The following FGD5 variants were observed in gnomAD, a reference collection of about 807,000 sequenced individuals.
FGD5 encodes FYVE, RhoGEF and PH domain containing 5, also known as FYVE, RhoGEF and PH domain-containing protein 5.
FGD5 carries 28 observed loss-of-function variants against 133.4 expected under a neutral mutation model. The ratio of observed to expected loss-of-function variants is 0.21; its 90% CI spans 0.16 to 0.29. The LOEUF is 0.29. Ranked by LOEUF, FGD5 falls within the 10% of genes least tolerant of loss-of-function variation. The probability of loss-of-function intolerance (pLI) is 1.00; values close to 1 mark genes in which losing one functional copy is unlikely to be tolerated. For synonymous variants in FGD5, 810 were observed against 776.5 expected (o/e 1.04, Z -0.72); for missense variants, 1,858 against 1,895.2 (o/e 0.98, Z 0.36).
At chr3:14,875,725 G>A (rs556119992) in intron 2 of FGD5, among the ~76,000 whole-genome samples, 1 of 152,234 alleles carries the variant, frequency 6.6e-6, no homozygotes, top group Non-Finnish European at 1.5e-5. Flanking sequence ...GATGAGGGAT[G>A]GGAAGCCTGG....
intron 1 of FGD5, among the ~76,000 whole-genome samples, chr3:14,849,083 G>T (rs2037109116): frequency 2.6e-5 from 4 of 152,184 alleles, no homozygotes; most frequent in Non-Finnish European, 5.9e-5. Flanking sequence ...GAGCATGTGT[G>T]CACTATCACG....
intron 2 of FGD5, among the ~76,000 whole-genome samples, chr3:14,870,193 C>T: frequency 6.6e-6 from 1 of 152,200 alleles, no homozygotes; most frequent in Non-Finnish European, 1.5e-5. Context: ...CAGAGCCTTC[C>T]AGGCAGAGGA....
intron 4 of FGD5, among the ~76,000 whole-genome samples, chr3:14,887,108 G>T (rs940019287): frequency 2.6e-5 from 4 of 152,178 alleles, no homozygotes; most frequent in African/African-American, 9.7e-5. Context: ...TGTTGAGAGA[G>T]GCGTATTGAC....
intron 4 of FGD5, among the ~76,000 whole-genome samples, chr3:14,894,921 T>TA (rs2038103789): frequency 2.4e-5 from 1 of 42,390 alleles, no homozygotes; most frequent in Non-Finnish European, 4.3e-5. Flanking sequence ...GGTGAGATGA[T>TA]ACCTTGTAGT....
chr3:14,915,269 C>T (rs2038530012), intron 11 of FGD5, among the ~76,000 whole-genome samples: 1 of 152,214 alleles, frequency 6.6e-6, no homozygotes, highest in South Asian at 2.1e-4. Flanking sequence ...ACCTTGGAGT[C>T]CTGAGAAGAG....
rs935353347 is a variant in FGD5, at chr3:14,922,471, C to G, written c.3730C>G (p.His1244Asp). 4.4e-6 allele frequency: 7 copies of G among 1,578,350 alleles called. No individual in the cohort carries two copies. The highest frequency in any genetic ancestry group is 5.2e-6 in the Non-Finnish European group (6 of 1,162,230). Residue 1244 changes from histidine to aspartate, a missense_variant, in exon 15 of 20, where the codon CAC (histidine) becomes GAC (aspartate). Around this residue, in one of 3 missense-constraint regions of FGD5, gnomAD observed 1,824 missense variants for 1,848.9 expected, o/e 0.99. Coordinates refer to ENST00000285046, the MANE Select transcript of FGD5 (RefSeq NM_152536.4). This position sits in a 1 kb window ranked among gnomAD's most constrained non-coding sequence, Gnocchi z 4.1. The stretch of plus-strand genomic sequence containing the variant: ...GCCCCCCACCCTGGTGCCTGTCACA[C>G]ACGTCATGATGTGCATGAACTGCGG... Reference protein sequence around the residue: ...ERPPTLVPVTHVMMCMNCGCD... With the variant: ...ERPPTLVPVTDVMMCMNCGCD...
chr3:14,893,809 C>T (rs1302575633), intron 4 of FGD5, among the ~76,000 whole-genome samples: 1 of 119,840 alleles, frequency 8.3e-6, no homozygotes, highest in African/African-American at 3.3e-5. Context: ...AGCTGGAGTG[C>T]AGTGGCCATG....
intron 1 of FGD5, among the ~76,000 whole-genome samples, chr3:14,858,781 G>A (rs948883862): frequency 6.6e-6 from 1 of 152,186 alleles, no homozygotes; most frequent in Non-Finnish European, 1.5e-5. Flanking sequence ...TTTTCCCCAA[G>A]GGAAGACGTG....
intron 1 of FGD5, among the ~76,000 whole-genome samples, chr3:14,824,274 A>G (rs964354666): frequency 2.0e-5 from 3 of 152,224 alleles, no homozygotes; most frequent in East Asian, 1.9e-4. Flanking sequence ...CATATCGCCA[A>G]GAGGCATGAG....
chr3:14,926,339 C>A, intron 18 of FGD5, 141 bp downstream of exon 18: 1 of 1,049,970 alleles, frequency 9.5e-7, no homozygotes, highest in Non-Finnish European at 1.4e-6. Flanking sequence ...CTTTAGTGAG[C>A]AATGCCATGT....
At chr3:14,918,967 C>A in intron 13 of FGD5, 134 bp downstream of exon 13, 1 of 914,122 alleles carries the variant, frequency 1.1e-6, no homozygotes, top group South Asian at 1.8e-5. Flanking sequence ...GGTCAAAGGA[C>A]TTTTTTTCTT....
intron 1 of FGD5, among the ~76,000 whole-genome samples, chr3:14,827,413 C>T (rs1036476085): frequency 7.9e-5 from 12 of 151,892 alleles, no homozygotes; most frequent in Non-Finnish European, 1.2e-4. Flanking sequence ...CTCAGCCTCC[C>T]GAGTAGCTGA....
At position 14,819,551 on chromosome 3, in the gene FGD5, G is replaced by C. The variant is rs1401343564; in HGVS notation, c.480G>C (p.Val160=). The C allele has an allele frequency of 2.6e-6, 4 of 1,551,352 alleles. No individual in the cohort carries two copies. In the African/African-American group the frequency reaches 4.1e-5, roughly 16 times the overall value. The change falls in exon 1 of 20, where the codon GTG becomes GTC. Residue 160 remains valine (V), a synonymous_variant. Transcript: ENST00000285046. This position sits in a 1 kb window ranked among gnomAD's most constrained non-coding sequence, Gnocchi z 4.1. ...CADEPGTLEQ[V]SRSEEEEKLV... ...ATGAGCCAGGGACACTGGAGCAGGT[G>C]TCCAGAAGTGAGGAGGAAGAGAAGC...
chr3:14,917,662 T>A lies in FGD5; in HGVS notation c.3489+330T>A, dbSNP rs574061908. 5.3e-5 allele frequency among the ~76,000 whole-genome samples: 8 copies of A among 152,314 alleles called. No homozygotes were observed. The highest frequency in any genetic ancestry group is 1.9e-4 in the East Asian group (1 of 5,186). ...ACAAGCAGGTGGTTGGTAATTTTTT[T>A]AATTGTGATAAAATACACATATCAT... On this transcript the variant is annotated intron_variant, in intron 12 of 19. Transcript: ENST00000285046. This position sits in a 1 kb window ranked among gnomAD's most constrained non-coding sequence, Gnocchi z 4.1.
At chr3:14,918,463 C>T (rs1272483078) in intron 12 of FGD5, among the ~76,000 whole-genome samples, 2 of 152,336 alleles carry the variant, frequency 1.3e-5, no homozygotes, top group East Asian at 1.9e-4. Flanking sequence ...GCATGGGAGA[C>T]GTGGTCACTG....
chr3:14,815,429 CT>C (rs2036353909), upstream of FGD5, among the ~76,000 whole-genome samples: 1 of 152,040 alleles, frequency 6.6e-6, no homozygotes, highest in Non-Finnish European at 1.5e-5. Context: ...TGTACTTACC[CT>C]TTCTCTTGCA....
intron 4 of FGD5, chr3:14,882,467 G>A (rs1306951081): frequency 2.2e-6 from 1 of 455,270 alleles, no homozygotes; most frequent in Non-Finnish European, 2.9e-6. Flanking sequence ...GGAGGCCGAG[G>A]TGGGCTGATC....
At chr3:14,928,207 G>A (rs1163008610) in intron 18 of FGD5, among the ~76,000 whole-genome samples, 1 of 151,024 alleles carries the variant, frequency 6.6e-6, no homozygotes, top group African/African-American at 2.4e-5. Context: ...CCAAAGTGCT[G>A]GGATTACAGG....
intron 18 of FGD5, among the ~76,000 whole-genome samples, chr3:14,930,280 A>G (rs889520396): frequency 1.3e-5 from 2 of 152,202 alleles, no homozygotes; most frequent in African/African-American, 4.8e-5. Context: ...CAGGTTGTGT[A>G]AGTCCTCCAA....
Sources: allele counts gnomAD v4.1 joint callset (sites outside exome capture counted in the v4.1 genomes callset), GRCh38; gene constraint gnomAD v4.1.1; regional missense constraint gnomAD v4.1.1; non-coding constraint Gnocchi (gnomAD v3.1); transcripts MANE v1.5; gene names NCBI Gene and HGNC (gene_info 2026-07-23, HGNC 2026-07-21).